The following DAB1 variants were observed in gnomAD, a reference collection of about 807,000 sequenced individuals.
The protein encoded by DAB1 is DAB adaptor protein 1.
A neutral mutation model predicts 64.6 loss-of-function variants in DAB1; 15 were observed. That is an observed-to-expected ratio of 0.23 (90% confidence interval 0.16 to 0.36). The LOEUF is 0.36. Ranked by LOEUF, DAB1 falls within the 10% of genes least tolerant of loss-of-function variation. The pLI is 1.00. For missense variants in DAB1, 596 were observed against 706.7 expected (o/e 0.84, Z 1.78); for synonymous variants, 235 against 251.9 (o/e 0.93, Z 0.64).
At chr1:57,303,370 C>T (rs915545652) in intron 1 of DAB1, among the ~76,000 whole-genome samples, 1 of 152,168 alleles carries the variant, frequency 6.6e-6, no homozygotes, top group East Asian at 1.9e-4. Context: ...CGCCCCAGTC[C>T]AGTCCCAGCT....
At chr1:58,290,289 G>T (rs978054486) in intron 4 of DAB1, among the ~76,000 whole-genome samples, 1 of 152,190 alleles carries the variant, frequency 6.6e-6, no homozygotes, top group Non-Finnish European at 1.5e-5. Flanking sequence ...GCTTTCTAAA[G>T]ATGTCAGTTG....
At chr1:58,313,342 G>T (rs1388885152) in intron 4 of DAB1, among the ~76,000 whole-genome samples, 1 of 152,112 alleles carries the variant, frequency 6.6e-6, no homozygotes, top group East Asian at 1.9e-4. Flanking sequence ...GGTCTGAAGG[G>T]GCAAGAGGGA....
chr1:57,490,223 T>G (rs1221675959), intron 7 of DAB1, among the ~76,000 whole-genome samples: 1 of 152,210 alleles, frequency 6.6e-6, no homozygotes. Flanking sequence ...TATAGCACAC[T>G]GAATGAACTA....
intron 1 of DAB1, among the ~76,000 whole-genome samples, chr1:58,545,579 A>G (rs1646689398): frequency 6.6e-6 from 1 of 152,214 alleles, no homozygotes; most frequent in Middle Eastern, 3.2e-3. Context: ...TAGCTGGCAG[A>G]CTTCTAGGAT....
intron 7 of DAB1, among the ~76,000 whole-genome samples, chr1:57,486,055 TCTCCAAACAC>T (rs1644087666): frequency 6.6e-6 from 1 of 152,190 alleles, no homozygotes; most frequent in African/African-American, 2.4e-5. Flanking sequence ...TAACTTTTAC[TCTCCAAACAC>T]TTGATCCTTA....
chr1:58,250,252 A>G (rs1247003344), intron 4 of DAB1, among the ~76,000 whole-genome samples: 2 of 152,144 alleles, frequency 1.3e-5, no homozygotes, highest in Non-Finnish European at 2.9e-5. Flanking sequence ...CCAGCCGCCG[A>G]GGACCACACT....
At chr1:57,619,435 C>G (rs1270406308) in intron 7 of DAB1, among the ~76,000 whole-genome samples, 2 of 152,160 alleles carry the variant, frequency 1.3e-5, no homozygotes, top group East Asian at 1.9e-4. Context: ...GAATCTTGCT[C>G]TATTGCCCAT....
chr1:57,912,679 T>C (rs1644664227), intron 5 of DAB1, among the ~76,000 whole-genome samples: 1 of 152,186 alleles, frequency 6.6e-6, no homozygotes. Flanking sequence ...GACATGATTG[T>C]ATATCTAGAA....
intron 3 of DAB1, among the ~76,000 whole-genome samples, chr1:58,387,384 T>C (rs1160230141): frequency 6.6e-6 from 1 of 152,210 alleles, no homozygotes; most frequent in Non-Finnish European, 1.5e-5. Flanking sequence ...GATGTTTATA[T>C]GTTCTTTTTC....
At chr1:57,489,410 C>A (rs1270026988) in intron 7 of DAB1, among the ~76,000 whole-genome samples, 3 of 152,116 alleles carry the variant, frequency 2.0e-5, no homozygotes, top group Non-Finnish European at 4.4e-5. Flanking sequence ...TACAAAGAGG[C>A]ACATTAAAAC....
intron 7 of DAB1, among the ~76,000 whole-genome samples, chr1:57,543,648 G>A (rs548845140): frequency 6.6e-6 from 1 of 152,294 alleles, no homozygotes; most frequent in African/African-American, 2.4e-5. Context: ...AAGACTTAGA[G>A]AAGATTCCAT....
intron 2 of DAB1, among the ~76,000 whole-genome samples, chr1:57,257,451 CAT>C (rs1196674613): frequency 6.6e-6 from 1 of 152,208 alleles, no homozygotes; most frequent in Non-Finnish European, 1.5e-5. Flanking sequence ...ATCTCTTTTA[CAT>C]CCTCCCAATA....
chr1:57,086,070 C>T (rs1334322387), intron 4 of DAB1, among the ~76,000 whole-genome samples: 1 of 152,110 alleles, frequency 6.6e-6, no homozygotes, highest in Non-Finnish European at 1.5e-5. Context: ...GAGTGACAGT[C>T]TTTGAAGGTG....
chr1:57,056,056 T>G (rs1273540683), intron 9 of DAB1, among the ~76,000 whole-genome samples: 1 of 152,098 alleles, frequency 6.6e-6, no homozygotes, highest in Non-Finnish European at 1.5e-5. Context: ...ATTTTACAGA[T>G]GAGGACATGG....
intron 7 of DAB1, among the ~76,000 whole-genome samples, chr1:57,592,575 G>A (rs543706988): frequency 3.0e-4 from 45 of 151,836 alleles, no homozygotes; most frequent in African/African-American, 1.1e-3. Context: ...AGTCAAACTA[G>A]ATTTTTTTTT....
intron 5 of DAB1, among the ~76,000 whole-genome samples, chr1:58,040,162 A>G (rs1313207791): frequency 6.6e-6 from 1 of 152,194 alleles, no homozygotes; most frequent in Non-Finnish European, 1.5e-5. Context: ...GTATAGGTCC[A>G]TATTACCAGT....
chr1:58,453,331 C>T (rs1645160094), intron 3 of DAB1, among the ~76,000 whole-genome samples: 1 of 152,070 alleles, frequency 6.6e-6, no homozygotes, highest in Non-Finnish European at 1.5e-5. Flanking sequence ...TACATGTTTA[C>T]CCAGGGAAAG....
chr1:57,358,456 T>C (rs935178426), intron 1 of DAB1, among the ~76,000 whole-genome samples: 1 of 152,042 alleles, frequency 6.6e-6, no homozygotes, highest in Admixed American at 6.6e-5. Flanking sequence ...CATTTATTGT[T>C]TTGTGTGATG....
chr1:57,614,209 T>C (rs1038463484), intron 7 of DAB1, among the ~76,000 whole-genome samples: 1 of 152,232 alleles, frequency 6.6e-6, no homozygotes, highest in Admixed American at 6.5e-5. Context: ...ATGATTATTA[T>C]TTTTTATGTA....
Sources: gnomAD v4.1 joint callset for allele counts (sites outside exome capture counted in the v4.1 genomes callset) on GRCh38, gnomAD v4.1.1 for gene constraint, MANE v1.5 for transcripts, NCBI Gene and HGNC (gene_info 2026-07-23, HGNC 2026-07-21) for gene names.